SGCG: variants seen among roughly 807,000 people sequenced by gnomAD.
SGCG encodes the protein sarcoglycan gamma, also known as gamma-sarcoglycan.
In SGCG, 26 loss-of-function variants were observed where a neutral mutation model predicts 29.3. The ratio of observed to expected loss-of-function variants is 0.89; its 90% confidence interval spans 0.65 to 1.23. SGCG has a LOEUF of 1.23. Among genes scored for constraint, SGCG ranks in the 50% most tolerant of loss-of-function variants. SGCG has a pLI of 0.00. For missense variants in SGCG, 353 were observed against 356.0 expected, an observed-to-expected ratio of 0.99 and a Z score of 0.07; for synonymous variants, 145 against 129.7, an observed-to-expected ratio of 1.12 and a Z score of -0.80.
intron 5 of SGCG, among the ~76,000 whole-genome samples, chr13:23,279,908 C>T (rs906531678): frequency 2.7e-5 from 4 of 150,590 alleles, no homozygotes; most frequent in South Asian, 4.2e-4. Context: ...TTGTATTTTT[C>T]GTAGAGGCAG....
chr13:23,281,074 C>T (rs1489540272), intron 5 of SGCG, among the ~76,000 whole-genome samples: 1 of 152,138 alleles, frequency 6.6e-6, no homozygotes, highest in Non-Finnish European at 1.5e-5. Context: ...GTGGTTCACA[C>T]CTGTAATCCC....
rs1288690557 is a variant in SGCG at position 23,228,897 on chromosome 13, G to A, written c.196-5714G>A. Among the ~76,000 whole-genome samples the A allele has an allele frequency of 3.3e-5, 5 of 152,134 alleles. No homozygotes were observed. In the Middle Eastern group the frequency reaches 0.01, roughly 310 times the overall value. ...TCTTTATTTGTTTGTTTGAGACAGG[G>A]TCCTGCCCTGTCACCCAGGCTGGAG... is the stretch of plus-strand genomic sequence containing the variant. On this transcript the variant is annotated intron_variant, in intron 2 of 7. Coordinates refer to ENST00000218867, the MANE Select transcript of SGCG (RefSeq NM_000231.3).
rs193148783 is a variant in SGCG at position 23,189,089 on chromosome 13, C to T, written c.-1+8014C>T. On this transcript the variant is annotated intron_variant, in intron 1 of 7. Transcript: ENST00000218867. ...GGAGAGATGACGGGCGGTCATCCCCCGTCCTCTCACTACACAGGGACAGGA... is the reference window on the plus strand; with the variant it reads ...GGAGAGATGACGGGCGGTCATCCCCTGTCCTCTCACTACACAGGGACAGGA... Among the ~76,000 whole-genome samples the T allele has an allele frequency of 1.6e-4, 25 of 152,312 alleles. No individual in the cohort carries two copies. The East Asian group carries it at 4.1e-3, about 25-fold the overall frequency.
In SGCG at chr13:23,324,650, G is replaced by A. The variant is rs1036298862; in HGVS notation, c.*109G>A. 3.1e-6 allele frequency: 3 copies of A among 954,294 alleles called. No homozygotes were observed. Among genetic ancestry groups the A allele is most frequent in the Non-Finnish European group, 4.9e-6 (3 of 615,656 alleles). The allele number at this position is 954,294 out of a possible 1,614,324, so 59.1% of individuals were successfully genotyped here. A position where few individuals can be genotyped will look rare whatever the true frequency, so the allele number is the denominator to read the frequency against. On this transcript the variant is annotated 3_prime_UTR_variant, in exon 8 of 8. Transcript: ENST00000218867. ...GAGGCAGCGTGGATGGGAAGTAAAC[G>A]CTTCCAGAGGAACTCAGAAAAAATT...
chr13:23,281,527 A>G (rs572623589), intron 5 of SGCG, among the ~76,000 whole-genome samples: 5 of 152,276 alleles, frequency 3.3e-5, no homozygotes, highest in African/African-American at 1.2e-4. Context: ...GTGGACTAAC[A>G]TGAATCAGCA....
intron 6 of SGCG, among the ~76,000 whole-genome samples, chr13:23,296,575 A>G (rs1414193239): frequency 7.0e-6 from 1 of 143,650 alleles, no homozygotes; most frequent in Non-Finnish European, 1.5e-5. Context: ...TCCATTTAAC[A>G]AGTCCTCATT....
At chr13:23,262,528 A>T (rs1880479994) in intron 4 of SGCG, among the ~76,000 whole-genome samples, 1 of 152,056 alleles carries the variant, frequency 6.6e-6, no homozygotes, top group Non-Finnish European at 1.5e-5. Flanking sequence ...ACTATACCTA[A>T]GAAAAGAGAT....
In SGCG at chr13:23,277,130, T is replaced by C. The variant is rs17078555; in HGVS notation, c.386-2229T>C. 3.0e-3 allele frequency among the ~76,000 whole-genome samples: 463 copies of C among 152,290 alleles called. 10 individuals are homozygous for C. The East Asian group carries it at 0.065, about 21-fold the overall frequency. ...GACTATTTTATTGATATAATAACTA[T>C]AGAAAAAAAATTGTCACAGTTCAAC... On this transcript the variant is annotated intron_variant, in intron 4 of 7. Coordinates refer to ENST00000218867, the MANE Select transcript of SGCG (RefSeq NM_000231.3).
At chr13:23,195,805 C>T (rs1216862713) in intron 1 of SGCG, among the ~76,000 whole-genome samples, 1 of 151,804 alleles carries the variant, frequency 6.6e-6, no homozygotes, top group African/African-American at 2.4e-5. Context: ...AGCAATTTGA[C>T]TAAAAGATAA....
At chr13:23,287,563 C>T (rs1401237779) in intron 5 of SGCG, among the ~76,000 whole-genome samples, 1 of 152,170 alleles carries the variant, frequency 6.6e-6, no homozygotes, top group Non-Finnish European at 1.5e-5. Context: ...TGTGAGCTAA[C>T]ACATGAGGAT....
At chr13:23,259,181 T>A (rs1222762607) in intron 4 of SGCG, among the ~76,000 whole-genome samples, 2 of 152,212 alleles carry the variant, frequency 1.3e-5, no homozygotes, top group Non-Finnish European at 2.9e-5. Flanking sequence ...CTTGGACTTT[T>A]TTTGGTTGGT....
At chr13:23,202,653 GTGA>G in intron 1 of SGCG, among the ~76,000 whole-genome samples, 1 of 152,316 alleles carries the variant, frequency 6.6e-6, no homozygotes, top group East Asian at 1.9e-4. Flanking sequence ...AAAATACTGT[GTGA>G]TGAATAGCCT....
the SGCG span, among the ~76,000 whole-genome samples, chr13:23,167,035 C>A: frequency 6.6e-6 from 1 of 152,116 alleles, no homozygotes; most frequent in African/African-American, 2.4e-5. Context: ...TTATCCAAAC[C>A]CCTGCCCCTA....
At chr13:23,299,408 A>G (rs1451571092) in intron 6 of SGCG, among the ~76,000 whole-genome samples, 14 of 13,940 alleles carry the variant, frequency 1.0e-3, no homozygotes, top group East Asian at 7.1e-3. Flanking sequence ...CTTAGTTGGC[A>G]TATATATATA....
chr13:23,290,023 C>A (rs1450459514), intron 5 of SGCG, among the ~76,000 whole-genome samples: 3 of 152,108 alleles, frequency 2.0e-5, no homozygotes, highest in African/African-American at 7.2e-5. Context: ...TGAATTACTC[C>A]AGTTTAAGAT....
rs1226868170 is a variant in SGCG at position 23,236,415 on chromosome 13, C to T, written c.297+1703C>T. On this transcript the variant is annotated intron_variant, in intron 3 of 7. Coordinates refer to ENST00000218867, the MANE Select transcript of SGCG (RefSeq NM_000231.3). Reference sequence around the variant, plus strand: ...TCAGTTGGCCAGGCGTGGTGGCTCACGCCTGTAATCCCAGCACTTTGGGAG... The same window carrying T: ...TCAGTTGGCCAGGCGTGGTGGCTCATGCCTGTAATCCCAGCACTTTGGGAG... Among the ~76,000 whole-genome samples, 4 of 152,120 alleles carry T rather than the reference C, an allele frequency of 2.6e-5. No individual in the cohort carries two copies. In the East Asian group the frequency reaches 5.8e-4, roughly 22 times the overall value.
At chr13:23,210,832 C>T (rs794493) in intron 2 of SGCG, among the ~76,000 whole-genome samples, 152,324 of 152,324 alleles carry the variant, frequency 1, 76,162 homozygotes, top group Non-Finnish European at 1. Flanking sequence ...TAAGTGTATC[C>T]TAGCAGATAT....
intron 1 of SGCG, among the ~76,000 whole-genome samples, chr13:23,192,090 A>G (rs1195909741): frequency 6.0e-5 from 9 of 150,976 alleles, no homozygotes; most frequent in African/African-American, 1.7e-4. Context: ...CTGCAGAATG[A>G]CGTGAACCCG....
rs1346856116 is a variant in SGCG, at chr13:23,320,536, A to T, written c.579-101A>T. ...TTGAGAATGACTTGAAGACTTACAT[A>T]TCTTACTAGTTATATTTCCCATGCT... On this transcript the variant is annotated intron_variant, in intron 6 of 7. Transcript: ENST00000218867. 3 of 973,222 alleles carry T rather than the reference A, an allele frequency of 3.1e-6. No homozygotes were observed. In the Admixed American group the frequency reaches 6.3e-5, roughly 21 times the overall value. The allele number at this position is 973,222 out of a possible 1,614,324, so 60.3% of individuals were successfully genotyped here.
Sources: allele counts gnomAD v4.1 joint callset (sites outside exome capture counted in the v4.1 genomes callset), GRCh38; gene constraint gnomAD v4.1.1; transcripts MANE v1.5; gene names NCBI Gene and HGNC (gene_info 2026-07-23, HGNC 2026-07-21).